PTPRO: variants seen among roughly 807,000 people sequenced by gnomAD.
The protein encoded by PTPRO is receptor-type tyrosine-protein phosphatase O.
PTPRO carries 62 observed loss-of-function variants against 145.2 expected under a neutral mutation model. That is an observed-to-expected ratio of 0.43 (90% CI 0.35 to 0.53). The LOEUF (loss-of-function observed/expected upper bound fraction) is 0.53. PTPRO is among the 20% of genes least tolerant of loss of function. PTPRO has a pLI of 0.01. For missense variants in PTPRO, 1,345 were observed against 1,482.7 expected, an observed-to-expected ratio of 0.91 and a Z score of 1.53; for synonymous variants, 565 against 514.7, an observed-to-expected ratio of 1.10 and a Z score of -1.32.
intron 1 of PTPRO, among the ~76,000 whole-genome samples, chr12:15,448,477 T>A (rs1033891288): frequency 2.6e-5 from 4 of 151,320 alleles, no homozygotes; most frequent in African/African-American, 9.7e-5. Context: ...TTTTCCATAA[T>A]CACCTCATAC....
intron 1 of PTPRO, among the ~76,000 whole-genome samples, chr12:15,462,990 T>C (rs1330381116): frequency 6.6e-6 from 1 of 152,178 alleles, no homozygotes; most frequent in African/African-American, 2.4e-5. Context: ...ATATACTATA[T>C]ATATAACTCA....
At chr12:15,540,673 C>T (rs544925655) in intron 12 of PTPRO, among the ~76,000 whole-genome samples, 67 of 152,318 alleles carry the variant, frequency 4.4e-4, no homozygotes, top group South Asian at 1.4e-3. Context: ...TGACTATTCC[C>T]TTTGGAATTC....
intron 1 of PTPRO, among the ~76,000 whole-genome samples, chr12:15,328,969 G>C (rs949416814): frequency 1.3e-5 from 2 of 152,192 alleles, no homozygotes; most frequent in Non-Finnish European, 2.9e-5. Context: ...TAATCTATAT[G>C]AGATTTAAAT....
chr12:15,367,162 A>C (rs1938387936), intron 1 of PTPRO, among the ~76,000 whole-genome samples: 1 of 152,232 alleles, frequency 6.6e-6, no homozygotes. Context: ...AAAGATGAAA[A>C]TACATACAAT....
At chr12:15,545,425 A>G (rs1439716109) in intron 12 of PTPRO, among the ~76,000 whole-genome samples, 2 of 151,222 alleles carry the variant, frequency 1.3e-5, no homozygotes, top group Non-Finnish European at 1.5e-5. Context: ...CAGGCACAGC[A>G]CTCTGCATAC....
intron 14 of PTPRO, 89 bp downstream of exon 14, chr12:15,549,315 C>A: frequency 2.7e-6 from 3 of 1,106,856 alleles, no homozygotes; most frequent in Non-Finnish European, 3.5e-6. Flanking sequence ...CCAAGAAATC[C>A]CAAGCTTCGG....
intron 1 of PTPRO, among the ~76,000 whole-genome samples, chr12:15,323,495 TTTTAC>T (rs1866360968): frequency 6.6e-6 from 1 of 152,136 alleles, no homozygotes; most frequent in African/African-American, 2.4e-5. Context: ...TACCCTGAGG[TTTTAC>T]TTTGAGAAAA....
chr12:15,520,696 A>G (rs563396691), intron 10 of PTPRO, among the ~76,000 whole-genome samples: 32 of 152,284 alleles, frequency 2.1e-4, no homozygotes, highest in African/African-American at 7.7e-4. Context: ...TTATTAATTA[A>G]GCCATTTTTA....
At chr12:15,476,098 G>A (rs1000639459) in intron 1 of PTPRO, among the ~76,000 whole-genome samples, 10 of 152,194 alleles carry the variant, frequency 6.6e-5, no homozygotes, top group African/African-American at 2.4e-4. Context: ...AGTTTAAGAA[G>A]TATTGCTGGA....
intron 6 of PTPRO, among the ~76,000 whole-genome samples, chr12:15,508,085 C>A (rs1311241291): frequency 6.6e-6 from 1 of 152,148 alleles, no homozygotes; most frequent in East Asian, 1.9e-4. Flanking sequence ...TTGTGTGTTT[C>A]TTCTCTAATA....
At chr12:15,496,589 T>G (rs982873514) in intron 2 of PTPRO, among the ~76,000 whole-genome samples, 1 of 152,170 alleles carries the variant, frequency 6.6e-6, no homozygotes, top group Non-Finnish European at 1.5e-5. Context: ...TTTTAAAAAA[T>G]GAGTATTTTT....
intron 1 of PTPRO, among the ~76,000 whole-genome samples, chr12:15,428,129 T>G (rs991601817): frequency 3.3e-5 from 5 of 152,146 alleles, no homozygotes; most frequent in Admixed American, 1.3e-4. Flanking sequence ...GCAGGGGCAC[T>G]CTCATGATTG....
chr12:15,548,443 T>C (rs888886972), intron 13 of PTPRO, among the ~76,000 whole-genome samples: 2 of 152,150 alleles, frequency 1.3e-5, no homozygotes, highest in African/African-American at 4.8e-5. Flanking sequence ...TAGCAAAGAA[T>C]ATATGAGTAT....
Position 15,580,909 on chromosome 12 carries a change from T to G in PTPRO, c.3132+78T>G. ...CTGCCGTTGATGAAATGCTTGCTGT[T>G]TTCAAAGTCAAATAAAACATAGAGA... On this transcript the variant is annotated intron_variant, in intron 22 of 26. Transcript: ENST00000281171. 1.9e-6 allele frequency: 3 copies of G among 1,557,982 alleles called. No individual in the cohort carries two copies. The South Asian group carries it at 3.4e-5, about 17-fold the overall frequency.
At chr12:15,352,260 A>C (rs1164146129) in intron 1 of PTPRO, among the ~76,000 whole-genome samples, 3 of 152,166 alleles carry the variant, frequency 2.0e-5, no homozygotes, top group Non-Finnish European at 4.4e-5. Context: ...TTTTTAGAGA[A>C]AGTCAGGAAC....
intron 1 of PTPRO, among the ~76,000 whole-genome samples, chr12:15,356,909 G>A (rs1286409264): frequency 6.6e-6 from 1 of 152,018 alleles, no homozygotes; most frequent in African/African-American, 2.4e-5. Flanking sequence ...ATTGGCTAGG[G>A]AGGCTTAAGG....
chr12:15,454,620 C>G (rs1263029203), intron 1 of PTPRO, among the ~76,000 whole-genome samples: 2 of 152,104 alleles, frequency 1.3e-5, no homozygotes, highest in Non-Finnish European at 1.5e-5. Context: ...CTTGTGTTGC[C>G]TATGTTTTTG....
intron 6 of PTPRO, among the ~76,000 whole-genome samples, chr12:15,505,053 G>T (rs538738164): frequency 6.6e-6 from 1 of 152,324 alleles, no homozygotes; most frequent in South Asian, 2.1e-4. Flanking sequence ...CCTTGGACAT[G>T]TGATTACTTA....
chr12:15,499,170 TA>T (rs1942167397), intron 3 of PTPRO, among the ~76,000 whole-genome samples: 1 of 152,190 alleles, frequency 6.6e-6, no homozygotes, highest in Admixed American at 6.5e-5. Context: ...CTCCTTCAAT[TA>T]ATACATACCC....
Sources: allele counts gnomAD v4.1 joint callset (sites outside exome capture counted in the v4.1 genomes callset), GRCh38; gene constraint gnomAD v4.1.1; transcripts MANE v1.5; gene names NCBI Gene and HGNC (gene_info 2026-07-23, HGNC 2026-07-21).